HEMK2: variants seen among roughly 807,000 people sequenced by gnomAD.
HEMK2 encodes HemK methyltransferase 2, ETF1 glutamine and histone H4 lysine.
the HEMK2 span, among the ~76,000 whole-genome samples, chr21:28,716,886 T>C: frequency 4.6e-5 from 7 of 152,228 alleles, no homozygotes; most frequent in African/African-American, 1.7e-4. Context: ...TTTGCAGTTA[T>C]GTCTTCAGTT....
chr21:28,696,180 C>T, the HEMK2 span, among the ~76,000 whole-genome samples: 9 of 152,060 alleles, frequency 5.9e-5, no homozygotes, highest in African/African-American at 2.2e-4. Context: ...GGGAAACTGC[C>T]CCCATGATTC....
the HEMK2 span, among the ~76,000 whole-genome samples, chr21:28,666,593 C>T: frequency 6.6e-6 from 1 of 152,130 alleles, no homozygotes; most frequent in Admixed American, 6.6e-5. Context: ...CTACTGGAAA[C>T]AGTTAAGAAT....
At chr21:28,860,585 T>A in the HEMK2 span, among the ~76,000 whole-genome samples, 1 of 152,044 alleles carries the variant, frequency 6.6e-6, no homozygotes. Flanking sequence ...AAGGATTCTA[T>A]CTCCTGGCTT....
At chr21:28,878,809 A>G in the HEMK2 span, among the ~76,000 whole-genome samples, 9 of 151,416 alleles carry the variant, frequency 5.9e-5, no homozygotes, top group Non-Finnish European at 5.9e-5. Context: ...AGCTTGTTTT[A>G]TAAGAGACCT....
chr21:28,619,586 T>C, the HEMK2 span, among the ~76,000 whole-genome samples: 1 of 152,196 alleles, frequency 6.6e-6, no homozygotes, highest in African/African-American at 2.4e-5. Context: ...TTCTAGGCAT[T>C]GGCTACCATT....
the HEMK2 span, among the ~76,000 whole-genome samples, chr21:28,730,659 A>C: frequency 6.6e-6 from 1 of 152,066 alleles, no homozygotes; most frequent in Non-Finnish European, 1.5e-5. Flanking sequence ...AGTCCTTGCT[A>C]TGTGGACCTC....
chr21:28,851,400 G>T, the HEMK2 span, among the ~76,000 whole-genome samples: 28 of 152,302 alleles, frequency 1.8e-4, 1 homozygote, highest in East Asian at 1.9e-3. Context: ...ATGGCAGCCT[G>T]TCAGGTCACT....
the HEMK2 span, among the ~76,000 whole-genome samples, chr21:28,583,053 C>A: frequency 6.6e-6 from 1 of 152,138 alleles, no homozygotes; most frequent in Non-Finnish European, 1.5e-5. Context: ...ATTGGAAAAA[C>A]AGTATCAATG....
the HEMK2 span, among the ~76,000 whole-genome samples, chr21:28,616,632 A>G: frequency 6.6e-6 from 1 of 152,354 alleles, no homozygotes; most frequent in South Asian, 2.1e-4. Flanking sequence ...AAATTATCAG[A>G]AAATTCTTCT....
At chr21:28,681,848 A>C in the HEMK2 span, among the ~76,000 whole-genome samples, 2 of 152,212 alleles carry the variant, frequency 1.3e-5, no homozygotes, top group African/African-American at 2.4e-5. Flanking sequence ...GGCTAGCCAT[A>C]TGTAGAAAGC....
At chr21:28,811,226 G>A in the HEMK2 span, among the ~76,000 whole-genome samples, 1 of 144,756 alleles carries the variant, frequency 6.9e-6, no homozygotes, top group Non-Finnish European at 1.5e-5. Context: ...AGAGAAAGAG[G>A]GAAAGAGATA....
At chr21:28,759,897 A>C in the HEMK2 span, among the ~76,000 whole-genome samples, 2 of 152,142 alleles carry the variant, frequency 1.3e-5, no homozygotes, top group African/African-American at 4.8e-5. Context: ...CCAGTCTCGG[A>C]TATGTCTTTA....
At chr21:28,604,240 C>T in the HEMK2 span, among the ~76,000 whole-genome samples, 4 of 152,056 alleles carry the variant, frequency 2.6e-5, no homozygotes, top group African/African-American at 4.8e-5. Flanking sequence ...AGGTGGGGAA[C>T]GTCACACACC....
At chr21:28,789,440 G>A in the HEMK2 span, among the ~76,000 whole-genome samples, 1 of 152,126 alleles carries the variant, frequency 6.6e-6, no homozygotes, top group East Asian at 1.9e-4. Context: ...AGAGGCCTAA[G>A]GGGCATGGGA....
chr21:28,616,656 A>G, the HEMK2 span, among the ~76,000 whole-genome samples: 1 of 152,192 alleles, frequency 6.6e-6, no homozygotes, highest in Non-Finnish European at 1.5e-5. Context: ...AACAAGTTGG[A>G]TACTGTGTTC....
the HEMK2 span, among the ~76,000 whole-genome samples, chr21:28,871,955 G>A: frequency 1.3e-5 from 2 of 152,130 alleles, no homozygotes; most frequent in Non-Finnish European, 2.9e-5. Context: ...TGGATTTAGG[G>A]CCCATCCTAA....
chr21:28,713,883 AT>A, the HEMK2 span, among the ~76,000 whole-genome samples: 3 of 152,240 alleles, frequency 2.0e-5, no homozygotes, highest in Admixed American at 2.0e-4. Flanking sequence ...TATATGGCCA[AT>A]ATGTACATAT....
chr21:28,808,749 G>T, the HEMK2 span, among the ~76,000 whole-genome samples: 1 of 151,978 alleles, frequency 6.6e-6, no homozygotes, highest in Non-Finnish European at 1.5e-5. Context: ...TCACTTATGA[G>T]TTCTAGTGGT....
the HEMK2 span, among the ~76,000 whole-genome samples, chr21:28,579,974 G>A: frequency 6.6e-6 from 1 of 152,198 alleles, no homozygotes; most frequent in Non-Finnish European, 1.5e-5. Context: ...TAAAAGAAGA[G>A]AGGCAGTGAG....
Sources: gnomAD v4.1 joint callset for allele counts (sites outside exome capture counted in the v4.1 genomes callset) on GRCh38, gnomAD v4.1.1 for gene constraint, MANE v1.5 for transcripts, NCBI Gene and HGNC (gene_info 2026-07-23, HGNC 2026-07-21) for gene names.